The following NSUN6 variants were observed in gnomAD, a reference collection of about 807,000 sequenced individuals.
The protein encoded by NSUN6 is NOP2/Sun RNA methyltransferase 6.
In NSUN6, 64 loss-of-function variants were observed where a neutral mutation model predicts 58.0. The observed-to-expected ratio is 1.10, with a 90% CI of 0.90 to 1.36. The LOEUF (loss-of-function observed/expected upper bound fraction) is 1.36. Among genes scored for constraint, NSUN6 ranks in the 40% most tolerant of loss-of-function variants. NSUN6 has a pLI of 0.00. For missense variants in NSUN6, 701 were observed against 550.1 expected (o/e 1.27, Z -2.74); for synonymous variants, 231 against 193.9 (o/e 1.19, Z -1.59).
chr10:18,601,803 C>T (rs2057850869), intron 6 of NSUN6, among the ~76,000 whole-genome samples: 1 of 151,856 alleles, frequency 6.6e-6, no homozygotes, highest in African/African-American at 2.4e-5. Context: ...CAACATGGTC[C>T]CCATCTCTAC....
intron 8 of NSUN6, among the ~76,000 whole-genome samples, chr10:18,556,392 GGAA>G (rs2055023721): frequency 6.6e-6 from 1 of 150,406 alleles, no homozygotes; most frequent in Non-Finnish European, 1.5e-5. Flanking sequence ...AATGAAGAAT[GGAA>G]GAAAACAGAA....
intron 8 of NSUN6, among the ~76,000 whole-genome samples, chr10:18,554,510 A>C (rs889518052): frequency 6.6e-6 from 1 of 150,900 alleles, no homozygotes; most frequent in Non-Finnish European, 1.5e-5. Flanking sequence ...GAATGGAATC[A>C]ATCGGAACGT....
chr10:18,653,140 C>T (rs912155243), upstream of NSUN6: 10 of 984,734 alleles, frequency 1.0e-5, no homozygotes, highest in Non-Finnish European at 1.1e-5. Flanking sequence ...TGTATTTTAG[C>T]GATAAAGGAG....
chr10:18,588,786 G>T (rs547424315), intron 7 of NSUN6, among the ~76,000 whole-genome samples: 1 of 152,116 alleles, frequency 6.6e-6, no homozygotes, highest in African/African-American at 2.4e-5. Flanking sequence ...AAGATCAAAG[G>T]TATATAAATC....
chr10:18,587,757 C>G (rs534220066), intron 7 of NSUN6, among the ~76,000 whole-genome samples: 7 of 152,136 alleles, frequency 4.6e-5, no homozygotes, highest in Admixed American at 6.5e-5. Flanking sequence ...CTGGGTACTA[C>G]GCTTTTCCCA....
intron 7 of NSUN6, among the ~76,000 whole-genome samples, chr10:18,586,936 C>A (rs563072989): frequency 2.0e-5 from 3 of 152,128 alleles, no homozygotes; most frequent in Non-Finnish European, 2.9e-5. Flanking sequence ...CTGATTGGTG[C>A]GTTTACAATC....
Position 18,548,248 on chromosome 10 carries a change from C to A in NSUN6, c.1072-11G>T. The A allele has an allele frequency of 6.2e-7, 1 of 1,610,824 alleles. No individual in the cohort carries two copies. Among genetic ancestry groups the A allele is most frequent in the Non-Finnish European group, 8.5e-7 (1 of 1,177,914 alleles). ...CAGCAGCTGAACCGCCTAAAGAAAA[C>A]TGTGATCAGACCACACACAGCACAA... On this transcript the variant is annotated splice_polypyrimidine_tract_variant and intron_variant, in intron 9 of 10. Transcript: ENST00000377304.
chr10:18,600,389 C>T (rs1047808122), intron 6 of NSUN6, among the ~76,000 whole-genome samples: 2 of 152,112 alleles, frequency 1.3e-5, no homozygotes, highest in Admixed American at 1.3e-4. Context: ...CTTTCAGAGG[C>T]CTAGGTCGGA....
At chr10:18,608,693 CAA>C (rs972536316) in intron 6 of NSUN6, among the ~76,000 whole-genome samples, 10 of 149,284 alleles carry the variant, frequency 6.7e-5, no homozygotes, top group Non-Finnish European at 1.3e-4. Context: ...ACTGTCAAAC[CAA>C]AGAGAAAACT....
intron 7 of NSUN6, among the ~76,000 whole-genome samples, chr10:18,586,647 C>G (rs1365045955): frequency 6.6e-6 from 1 of 152,212 alleles, no homozygotes; most frequent in Non-Finnish European, 1.5e-5. Context: ...AGGAGTGAAG[C>G]CGCAGACCTT....
rs2059379474 is a variant in NSUN6, at chr10:18,641,115, GTAAGTAGAATTCTCCCA to G, written c.311+1344_311+1360del. 2.0e-5 allele frequency among the ~76,000 whole-genome samples: 3 copies of G among 152,108 alleles called. No individual in the cohort carries two copies. In the South Asian group the frequency reaches 6.2e-4, roughly 32 times the overall value. On this transcript the variant is annotated intron_variant, in intron 3 of 10. Coordinates refer to ENST00000377304, the MANE Select transcript of NSUN6 (RefSeq NM_182543.5). The stretch of plus-strand genomic sequence containing the variant: ...TGATCATAAACATCTTCTCTGATTG[GTAAGTAGAATTCTCCCA>G]TATTAAAGGCCATATACTATCCCAT...
intron 3 of NSUN6, among the ~76,000 whole-genome samples, chr10:18,636,183 A>C (rs2059208522): frequency 6.6e-6 from 1 of 152,040 alleles, no homozygotes; most frequent in Admixed American, 6.6e-5. Context: ...CATAAGAGGT[A>C]ACCTTCGGCA....
At chr10:18,608,245 T>G (rs968279937) in intron 6 of NSUN6, among the ~76,000 whole-genome samples, 1 of 152,206 alleles carries the variant, frequency 6.6e-6, no homozygotes, top group Non-Finnish European at 1.5e-5. Flanking sequence ...AAAGTCATCA[T>G]TAAACTGATT....
chr10:18,596,208 C>G lies in NSUN6; in HGVS notation c.777G>C (p.Gln259His), dbSNP rs1419402666. ...GGATTTGCTGTGAAGACAGTCTCAC[C>G]TGATCATGCATTAGTGCTGCAATGT... is the stretch of plus-strand genomic sequence containing the variant. ...TTHIAALMHD[Q>H]GEVIALDKIF... The change falls in exon 7 of 11, where the codon CAG becomes CAC. Residue 259 changes from glutamine (Q) to histidine (H), a missense_variant and splice_region_variant. By Grantham distance (24) the Gln-to-His change is conservative. Transcript: ENST00000377304. 1.2e-6 allele frequency: 2 copies of G among 1,610,602 alleles called. No individual in the cohort carries two copies. Among genetic ancestry groups the G allele is most frequent in the Non-Finnish European group, 1.7e-6 (2 of 1,177,156 alleles).
At position 18,548,107 on chromosome 10, in the gene NSUN6, C is replaced by G. The variant is rs1161151229; in HGVS notation, c.1197+5G>C. The G allele has an allele frequency of 1.2e-6, 2 of 1,613,354 alleles. No individual in the cohort carries two copies. On this transcript the variant is annotated splice_donor_5th_base_variant and intron_variant, in intron 10 of 10. Coordinates refer to ENST00000377304, the MANE Select transcript of NSUN6 (RefSeq NM_182543.5). ...TTACACAGAGAAAAATGAAATTACT[C>G]CTACCTGGGGCTGAAGCTGAAGGCA...
intron 3 of NSUN6, among the ~76,000 whole-genome samples, chr10:18,635,164 C>T (rs1181278482): frequency 6.6e-6 from 1 of 152,156 alleles, no homozygotes; most frequent in Non-Finnish European, 1.5e-5. Flanking sequence ...TTCTTCTAGA[C>T]AACTATTTTA....
intron 3 of NSUN6, among the ~76,000 whole-genome samples, chr10:18,618,409 C>T (rs920436036): frequency 5.9e-5 from 9 of 152,094 alleles, no homozygotes; most frequent in Non-Finnish European, 2.9e-5. Context: ...TGGTCAGGTG[C>T]AGTGGCTCAC....
At chr10:18,551,668 C>A in intron 9 of NSUN6, 155 bp downstream of exon 9, 2 of 584,258 alleles carry the variant, frequency 3.4e-6, no homozygotes, top group East Asian at 5.6e-5. Context: ...ATGGATATAG[C>A]ACATTCTGTT....
At chr10:18,551,281 T>TGTGA (rs1473606233) in intron 9 of NSUN6, among the ~76,000 whole-genome samples, 1 of 148,570 alleles carries the variant, frequency 6.7e-6, no homozygotes, top group Non-Finnish European at 1.5e-5. Flanking sequence ...TGTGTGTGTG[T>TGTGA]GTGTGTGTGT....
Sources: allele counts gnomAD v4.1 joint callset (sites outside exome capture counted in the v4.1 genomes callset), GRCh38; gene constraint gnomAD v4.1.1; transcripts MANE v1.5; gene names NCBI Gene and HGNC (gene_info 2026-07-23, HGNC 2026-07-21).